Variants in RBM33 observed in about 807,000 individuals in gnomAD.
RBM33 encodes the protein RNA binding motif protein 33.
In RBM33, 28 loss-of-function variants were observed where a neutral mutation model predicts 132.6. The ratio of observed to expected loss-of-function variants is 0.21; its 90% CI spans 0.16 to 0.29. The LOEUF is 0.29. Among genes scored for constraint, RBM33 ranks in the 10% least tolerant of loss-of-function variants. The pLI is 1.00. For missense variants in RBM33, 1,291 were observed against 1,518.5 expected (o/e 0.85, Z 2.49); for synonymous variants, 634 against 593.0 (o/e 1.07, Z -1.01).
intron 9 of RBM33, among the ~76,000 whole-genome samples, chr7:155,728,962 T>C (rs888820537): frequency 3.3e-5 from 5 of 152,190 alleles, no homozygotes; most frequent in African/African-American, 1.2e-4. Flanking sequence ...TGAGACAGCA[T>C]GTGTATTAGT....
At position 155,745,820 on chromosome 7, in the gene RBM33, C is replaced by T. The variant is rs1342525005; in HGVS notation, c.2979+218C>T. On this transcript the variant is annotated intron_variant, in intron 14 of 17. Transcript: ENST00000401878. This position sits in a 1 kb window ranked among gnomAD's most constrained non-coding sequence, Gnocchi z 4.1. ...TTAGGCGATTTTGTCATTGTCTGAA[C>T]GTGCTAGAATGTACTTCCATACACA... 2.3e-5 allele frequency: 13 copies of T among 572,194 alleles called. No individual in the cohort carries two copies. Among genetic ancestry groups the T allele is most frequent in the Non-Finnish European group, 3.7e-5 (12 of 323,578 alleles). The allele number at this position is 572,194 out of a possible 1,614,324, so 35.4% of individuals were successfully genotyped here.
chr7:155,717,493 C>CGG (rs1563158419), intron 8 of RBM33, among the ~76,000 whole-genome samples: 1 of 66,568 alleles, frequency 1.5e-5, no homozygotes, highest in African/African-American at 6.4e-5. Context: ...TTCTGAGGTA[C>CGG]GGGGGGTTGG....
At chr7:155,658,436 G>A (rs1798551323) in intron 1 of RBM33, among the ~76,000 whole-genome samples, 1 of 140,752 alleles carries the variant, frequency 7.1e-6, no homozygotes, top group African/African-American at 2.7e-5. Context: ...CGCCCAGGCT[G>A]GAGTGCAGTG....
Position 155,780,931 on chromosome 7 carries a change from C to G in RBM33, c.*5890C>G, listed in dbSNP as rs185495575. ...TGGCGATTCAAAGATGCCGGCGTCCCGCAGTGTGCGGTTCGTGCCCTTAAC... is the reference window on the plus strand; with the variant it reads ...TGGCGATTCAAAGATGCCGGCGTCCGGCAGTGTGCGGTTCGTGCCCTTAAC... On this transcript the variant is annotated 3_prime_UTR_variant, in exon 18 of 18. Coordinates refer to ENST00000401878, the MANE Select transcript of RBM33 (RefSeq NM_053043.3). 1 of 152,900 alleles carries G rather than the reference C, an allele frequency of 6.5e-6. No homozygotes were observed. Among genetic ancestry groups the G allele is most frequent in the East Asian group, 1.9e-4 (1 of 5,194 alleles). 9.5% of individuals were successfully genotyped at this position (152,900 alleles called of 1,614,324 possible). A position where few individuals can be genotyped will look rare whatever the true frequency, so the allele number is the denominator to read the frequency against.
chr7:155,717,915 T>C (rs929326720), intron 8 of RBM33, among the ~76,000 whole-genome samples: 3 of 152,210 alleles, frequency 2.0e-5, no homozygotes, highest in African/African-American at 7.2e-5. Flanking sequence ...CTCCAATTCC[T>C]GGGATGTGCT....
At position 155,763,888 on chromosome 7, in the gene RBM33, A is replaced by G; in HGVS notation, c.3056A>G (p.Gln1019Arg). ...CCCCAGCCTCCGGAAGTGGGACCAC[A>G]GCCTGCCCGCAAGGTGACGCTGACC... ...RLPQPPEVGPQPARKVTLTRG... is the reference protein window; with the variant it reads ...RLPQPPEVGPRPARKVTLTRG... Residue 1019 changes from glutamine to arginine, a missense_variant, in exon 15 of 18, where the codon CAG (glutamine) becomes CGG (arginine). Physicochemically the swap from Gln to Arg is conservative, Grantham distance 43. Transcript: ENST00000401878. 1 of 1,611,258 alleles carries G rather than the reference A, an allele frequency of 6.2e-7. No individual in the cohort carries two copies. Among genetic ancestry groups the G allele is most frequent in the Non-Finnish European group, 8.5e-7 (1 of 1,178,826 alleles).
intron 1 of RBM33, among the ~76,000 whole-genome samples, chr7:155,650,997 C>G (rs1187995655): frequency 1.3e-5 from 2 of 152,170 alleles, no homozygotes; most frequent in African/African-American, 4.8e-5. Context: ...TCAGCCTCAG[C>G]CTCTCAAGTA....
At position 155,658,455 on chromosome 7, in the gene RBM33, TTGGCCCACTGCAACCTC is replaced by T. The variant is rs531110382; in HGVS notation, c.44-6702_44-6686del. ...CAGGCTGGAGTGCAGTGGCGTGATC[TTGGCCCACTGCAACCTC>T]TGGCCCACTGCAACCTCCGCGGGGT... On this transcript the variant is annotated intron_variant, in intron 1 of 17. Transcript: ENST00000401878. Among the ~76,000 whole-genome samples the T allele has an allele frequency of 4.2e-3, 630 of 150,944 alleles. 2 individuals carry two copies. Among genetic ancestry groups the T allele is most frequent in the Non-Finnish European group, 7.4e-3 (499 of 67,762 alleles).
Position 155,779,079 on chromosome 7 carries a change from T to A in RBM33, c.*4038T>A, listed in dbSNP as rs1036490450. ...AGGCTTCCCGCTTTCGTGGTGCTCTTCCTGGGATTCGTTTTTTTATTACCC... is the reference window on the plus strand; with the variant it reads ...AGGCTTCCCGCTTTCGTGGTGCTCTACCTGGGATTCGTTTTTTTATTACCC... On this transcript the variant is annotated 3_prime_UTR_variant, in exon 18 of 18. Coordinates refer to ENST00000401878, the MANE Select transcript of RBM33 (RefSeq NM_053043.3). 6.6e-5 allele frequency: 10 copies of A among 152,132 alleles called. No individual in the cohort carries two copies. The highest frequency in any genetic ancestry group is 5.9e-4 in the Admixed American group (9 of 15,272). 9.4% of individuals were successfully genotyped at this position (152,132 alleles called of 1,614,324 possible).
At chr7:155,672,390 G>T (rs1798966507) in intron 2 of RBM33, among the ~76,000 whole-genome samples, 3 of 152,136 alleles carry the variant, frequency 2.0e-5, no homozygotes, top group Admixed American at 2.0e-4. Flanking sequence ...AAGATAAAAT[G>T]TTCTCTGTGC....
intron 5 of RBM33, among the ~76,000 whole-genome samples, chr7:155,690,900 AT>A (rs1241492631): frequency 2.6e-5 from 4 of 151,752 alleles, no homozygotes; most frequent in Non-Finnish European, 5.9e-5. Flanking sequence ...TACCCTTAAT[AT>A]TTTTTCCTTC....
chr7:155,700,795 T>C lies in RBM33; in HGVS notation c.590T>C (p.Leu197Pro). The C allele has an allele frequency of 6.4e-7, 1 of 1,572,938 alleles. No homozygotes were observed. The highest frequency in any genetic ancestry group is 8.6e-7 in the Non-Finnish European group (1 of 1,158,150). The change falls in exon 6 of 18, where the codon CTT becomes CCT. Residue 197 changes from leucine (L) to proline (P), a missense_variant. By Grantham distance (98) the Leu-to-Pro change is moderately conservative (BLOSUM62 -3). This residue lies in a region of RBM33 where 194 missense variants were observed against 249.8 expected (regional missense o/e 0.78). Coordinates refer to ENST00000401878, the MANE Select transcript of RBM33 (RefSeq NM_053043.3). The stretch of plus-strand genomic sequence containing the variant: ...TAGGGAGGTATGGAAACATTGGAAC[T>C]TCAAAAGGACATCAAAGAAGAATCA... ...EFTGGMETLE[L>P]QKDIKEESDE...
chr7:155,769,470 T>C (rs891022780), intron 16 of RBM33, among the ~76,000 whole-genome samples: 8 of 152,116 alleles, frequency 5.3e-5, no homozygotes, highest in Non-Finnish European at 1.2e-4. Flanking sequence ...CCCTCGGAGA[T>C]GCAGTGCAGA....
chr7:155,744,291 T>G (rs1801446090), intron 13 of RBM33, among the ~76,000 whole-genome samples: 1 of 152,266 alleles, frequency 6.6e-6, no homozygotes, highest in Non-Finnish European at 1.5e-5. Context: ...TGGATGCTTT[T>G]TATTGAAAGT....
chr7:155,720,004 C>G (rs549615450), intron 9 of RBM33, among the ~76,000 whole-genome samples: 1 of 152,040 alleles, frequency 6.6e-6, no homozygotes, highest in African/African-American at 2.4e-5. Context: ...AATACTTTGC[C>G]GCTATTAGAA....
intron 7 of RBM33, among the ~76,000 whole-genome samples, chr7:155,710,078 G>A (rs913789274): frequency 2.0e-5 from 3 of 152,022 alleles, no homozygotes. Flanking sequence ...GAGATCATTC[G>A]TGATCCCTTA....
rs149079645 is a variant in RBM33 at position 155,652,127 on chromosome 7, A to G, written c.43+7208A>G. Among the ~76,000 whole-genome samples, 416 of 152,292 alleles carry G rather than the reference A, an allele frequency of 2.7e-3. 7 individuals are homozygous for G. Among genetic ancestry groups the G allele is most frequent in the Admixed American group, 4.6e-3 (70 of 15,298 alleles). On this transcript the variant is annotated intron_variant, in intron 1 of 17. Coordinates refer to ENST00000401878, the MANE Select transcript of RBM33 (RefSeq NM_053043.3). ...CTCATCTATAAAATAAGGAATTTTG[A>G]CTATTAGTGATTTGGACTAGGAACA... is the stretch of plus-strand genomic sequence containing the variant.
intron 3 of RBM33, among the ~76,000 whole-genome samples, chr7:155,673,783 C>CAT (rs1799070481): frequency 2.0e-5 from 3 of 149,106 alleles, no homozygotes; most frequent in Non-Finnish European, 4.4e-5. Context: ...CACACACACA[C>CAT]ACACACACAC....
In RBM33 at chr7:155,778,767, CTGTT is replaced by C. The variant is rs748007010; in HGVS notation, c.*3732_*3735del. 2.0e-5 allele frequency: 3 copies of C among 152,334 alleles called. No homozygotes were observed. Among genetic ancestry groups the C allele is most frequent in the Non-Finnish European group, 4.4e-5 (3 of 68,118 alleles). The allele number at this position is 152,334 out of a possible 1,614,324, so 9.4% of individuals were successfully genotyped here. On this transcript the variant is annotated 3_prime_UTR_variant, in exon 18 of 18. Coordinates refer to ENST00000401878, the MANE Select transcript of RBM33 (RefSeq NM_053043.3). This position sits in a 1 kb window ranked among gnomAD's most constrained non-coding sequence, Gnocchi z 4.0. ...TGGCTTTTGTTGTTTTTGTTTTGTT[CTGTT>C]TGTTTTGTTTTGTATTTCTTTGTTA...
Sources: allele counts gnomAD v4.1 joint callset (sites outside exome capture counted in the v4.1 genomes callset), GRCh38; gene constraint gnomAD v4.1.1; regional missense constraint gnomAD v4.1.1; non-coding constraint Gnocchi (gnomAD v3.1); transcripts MANE v1.5; gene names NCBI Gene and HGNC (gene_info 2026-07-23, HGNC 2026-07-21).